Variants in PLAGL1 observed in about 807,000 individuals in gnomAD.
PLAGL1 encodes the protein PLAG1 like zinc finger 1.
Under a neutral mutation model 4.6 loss-of-function variants are expected in PLAGL1, and 1 was observed. That is an observed-to-expected ratio of 0.22 (90% CI 0.08 to 1.03). PLAGL1 has a LOEUF of 1.03. Among genes scored for constraint, PLAGL1 ranks in the 50% least tolerant of loss-of-function variants. PLAGL1 has a pLI of 0.58. For missense variants in PLAGL1, 464 were observed against 570.4 expected (o/e 0.81, Z 1.90); for synonymous variants, 240 against 237.8 (o/e 1.01, Z -0.08).
rs752655598 is a variant in PLAGL1 at position 143,941,814 on chromosome 6, C to T, written c.1002G>A (p.Leu334=). 1.2e-5 allele frequency: 20 copies of T among 1,614,214 alleles called. No homozygotes were observed. The South Asian group carries it at 2.0e-4, about 16-fold the overall frequency. The change falls in exon 8 of 8, where the codon TTG becomes TTA. Residue 334 remains leucine, a synonymous_variant. Coordinates refer to ENST00000674357, the MANE Select transcript of PLAGL1 (RefSeq NM_001317162.2). The surrounding 1 kb of genome is among the most constrained non-coding windows in gnomAD (Gnocchi z 6.0). ...GFCNISLFED[L]PLQEPQSPQK... is the part of the protein sequence containing the mutation. The stretch of plus-strand genomic sequence containing the variant: ...GAGGTGACTGAGGCTCTTGCAGAGG[C>T]AAGTCCTCAAACAAACTGATATTGC...
At chr6:144,047,051 A>C (rs1562608684) in intron 1 of PLAGL1, among the ~76,000 whole-genome samples, 1 of 152,200 alleles carries the variant, frequency 6.6e-6, no homozygotes, top group Non-Finnish European at 1.5e-5. Flanking sequence ...AGACCATTGG[A>C]AAAGCACAGT....
intron 1 of PLAGL1, among the ~76,000 whole-genome samples, chr6:144,019,705 A>G (rs1795831078): frequency 6.6e-6 from 1 of 151,910 alleles, no homozygotes; most frequent in Admixed American, 6.6e-5. Flanking sequence ...ATATTACTGA[A>G]TCTAAGTGGG....
chr6:144,057,927 G>A (rs955438603), intron 1 of PLAGL1, among the ~76,000 whole-genome samples: 1 of 152,058 alleles, frequency 6.6e-6, no homozygotes, highest in Admixed American at 6.5e-5. Flanking sequence ...ACCAAGATTA[G>A]GCTGAGCCAA....
chr6:143,987,555 C>T (rs1183889662), intron 1 of PLAGL1, among the ~76,000 whole-genome samples: 2 of 143,108 alleles, frequency 1.4e-5, no homozygotes, highest in African/African-American at 5.1e-5. Flanking sequence ...TAAAAACTCA[C>T]ATTTTCTTAA....
Position 144,036,027 on chromosome 6 carries a change from T to G in PLAGL1, c.-151+28441A>C, listed in dbSNP as rs1797212705. Reference sequence around the variant, plus strand: ...GTGCCTGGATGGCCATCTGATTACGTGTGGCTTAGCCTGGAAACCCTCAAT... The same window carrying G: ...GTGCCTGGATGGCCATCTGATTACGGGTGGCTTAGCCTGGAAACCCTCAAT... On this transcript the variant is annotated intron_variant, in intron 1 of 3. Coordinates refer to the PLAGL1 transcript ENST00000437412. This position sits in a 1 kb window ranked among gnomAD's most constrained non-coding sequence, Gnocchi z 5.1. Among the ~76,000 whole-genome samples, 1 of 152,078 alleles carries G rather than the reference T, an allele frequency of 6.6e-6. No individual in the cohort carries two copies. The highest frequency in any genetic ancestry group is 1.5e-5 in the Non-Finnish European group (1 of 68,008).
chr6:143,967,725 T>C (rs146723601), intron 3 of PLAGL1: 7 of 152,128 alleles, frequency 4.6e-5, no homozygotes, highest in African/African-American at 9.6e-5. Flanking sequence ...CTGAACGTGT[T>C]GGTGGGGGTA....
rs1293603585 is a variant in PLAGL1, at chr6:143,963,197, TG to T, written c.-399+1589del. Among the ~76,000 whole-genome samples, 4 of 152,308 alleles carry T rather than the reference TG, an allele frequency of 2.6e-5. No individual in the cohort carries two copies. Among genetic ancestry groups the T allele is most frequent in the African/African-American group, 9.6e-5 (4 of 41,578 alleles). On this transcript the variant is annotated intron_variant, in intron 5 of 7. Transcript: ENST00000674357. The surrounding 1 kb of genome is among the most constrained non-coding windows in gnomAD (Gnocchi z 6.1). ...TTCTCACATTAATACATGATCTCCC[TG>T]GGGGACCCCATGCACAACCCAAGGT...
At chr6:144,001,613 T>C (rs192490222) in intron 1 of PLAGL1, among the ~76,000 whole-genome samples, 1 of 152,280 alleles carries the variant, frequency 6.6e-6, no homozygotes, top group Admixed American at 6.5e-5. Flanking sequence ...CCTCCCTTCC[T>C]TTGACTGTGG....
intron 1 of PLAGL1, among the ~76,000 whole-genome samples, chr6:144,014,458 G>C (rs373355169): frequency 6.6e-6 from 1 of 151,904 alleles, no homozygotes; most frequent in Admixed American, 6.6e-5. Context: ...AAAGACAGTC[G>C]GGTACTGACA....
Position 143,960,441 on chromosome 6 carries a change from A to G in PLAGL1, c.-325+28T>C, listed in dbSNP as rs1262797535. 2 of 152,230 alleles carry G rather than the reference A, an allele frequency of 1.3e-5. No homozygotes were observed. Among genetic ancestry groups the G allele is most frequent in the African/African-American group, 2.4e-5 (1 of 41,450 alleles). The allele number at this position is 152,230 out of a possible 1,614,324, so 9.4% of individuals were successfully genotyped here. ...AAGCAATCGTTAATAAACATGCCCA[A>G]CTAGAAATAATCTTAAAACATGCGC... On this transcript the variant is annotated intron_variant, in intron 6 of 7. Coordinates refer to ENST00000674357, the MANE Select transcript of PLAGL1 (RefSeq NM_001317162.2). This position sits in a 1 kb window ranked among gnomAD's most constrained non-coding sequence, Gnocchi z 5.7.
intron 1 of PLAGL1, among the ~76,000 whole-genome samples, chr6:144,046,098 G>C (rs1177334092): frequency 2.0e-5 from 3 of 152,046 alleles, no homozygotes; most frequent in Admixed American, 6.5e-5. Flanking sequence ...CTTTTTTCAA[G>C]GTTTCTGGCT....
rs1793663391 is a variant in PLAGL1, at chr6:144,004,315, G to A, written c.-584+3775C>T. On this transcript the variant is annotated intron_variant, in intron 1 of 7. Transcript: ENST00000674357. The surrounding 1 kb of genome is among the most constrained non-coding windows in gnomAD (Gnocchi z 4.2). ...TCCTGCCTCAGCCTCTTGACTGGCT[G>A]GAATTATAGACAGGAGCCATGGAAC... 3.3e-5 allele frequency among the ~76,000 whole-genome samples: 5 copies of A among 152,082 alleles called. 1 individual carries two copies. The South Asian group carries it at 8.3e-4, about 25-fold the overall frequency.
In PLAGL1 at chr6:144,055,379, C is replaced by T. The variant is rs149450718; in HGVS notation, c.-151+9089G>A. On this transcript the variant is annotated intron_variant, in intron 1 of 3. Coordinates refer to the PLAGL1 transcript ENST00000437412. This position sits in a 1 kb window ranked among gnomAD's most constrained non-coding sequence, Gnocchi z 5.0. ...GACTTGCTGTGCTTGTTATACAAAACCACACTGGCATTCTTTAACATGATG... is the reference window on the plus strand; with the variant it reads ...GACTTGCTGTGCTTGTTATACAAAATCACACTGGCATTCTTTAACATGATG... Among the ~76,000 whole-genome samples, 831 of 152,292 alleles carry T rather than the reference C, an allele frequency of 5.5e-3. 3 individuals carry two copies. The highest frequency in any genetic ancestry group is 9.2e-3 in the Non-Finnish European group (627 of 68,016).
rs1791922195 is a variant in PLAGL1, at chr6:143,997,576, G to T, written c.-584+10514C>A. On this transcript the variant is annotated intron_variant, in intron 1 of 7. Transcript: ENST00000674357. The surrounding 1 kb of genome is among the most constrained non-coding windows in gnomAD (Gnocchi z 4.6). The stretch of plus-strand genomic sequence containing the variant: ...ATTCAAGAATAGACAAAACAGGGAG[G>T]CTCAGGTGGGAGGATCGCTTGAGCC... 6.6e-6 allele frequency among the ~76,000 whole-genome samples: 1 copy of T among 152,168 alleles called. No homozygotes were observed. The highest frequency in any genetic ancestry group is 1.5e-5 in the Non-Finnish European group (1 of 68,034).
rs7770000 is a variant in PLAGL1, at chr6:143,960,248, A to G, written c.-325+221T>C. Among the ~76,000 whole-genome samples the G allele has an allele frequency of 0.14, 20,903 of 152,222 alleles. 1,780 individuals carry two copies. Among genetic ancestry groups the G allele is most frequent in the Non-Finnish European group, 0.18 (12,349 of 68,006 alleles). On this transcript the variant is annotated intron_variant, in intron 6 of 7. Coordinates refer to ENST00000674357, the MANE Select transcript of PLAGL1 (RefSeq NM_001317162.2). The surrounding 1 kb of genome is among the most constrained non-coding windows in gnomAD (Gnocchi z 5.7). ...GTCATGAAAAGTTGCTAACTGCATC[A>G]TCCAATTCCCTGAAACACATGTGCA...
rs551191128 is a variant in PLAGL1, at chr6:143,953,689, A to G, written c.-324-5229T>C. Among the ~76,000 whole-genome samples, 3 of 152,338 alleles carry G rather than the reference A, an allele frequency of 2.0e-5. No homozygotes were observed. The highest frequency in any genetic ancestry group is 4.1e-4 in the South Asian group (2 of 4,830). On this transcript the variant is annotated intron_variant, in intron 6 of 7. Transcript: ENST00000674357. The surrounding 1 kb of genome is among the most constrained non-coding windows in gnomAD (Gnocchi z 5.3). Reference sequence around the variant, plus strand: ...AGCCTAATATAAAAGGGAGAAAACAACAAATTTTGGAAGCTGAAAAGCAGG... The same window carrying G: ...AGCCTAATATAAAAGGGAGAAAACAGCAAATTTTGGAAGCTGAAAAGCAGG...
Position 143,949,063 on chromosome 6 carries a change from C to G in PLAGL1, c.-324-603G>C, listed in dbSNP as rs1420801932. ...GTCTAGTTGCACTGATGTGGTGGCA[C>G]AAAGCTGATAGCTCAGGAACCAGCC... On this transcript the variant is annotated intron_variant, in intron 6 of 7. Transcript: ENST00000674357. The surrounding 1 kb of genome is among the most constrained non-coding windows in gnomAD (Gnocchi z 5.3). 6.6e-6 allele frequency among the ~76,000 whole-genome samples: 1 copy of G among 152,212 alleles called. No homozygotes were observed. Among genetic ancestry groups the G allele is most frequent in the Admixed American group, 6.5e-5 (1 of 15,286 alleles).
Position 144,036,830 on chromosome 6 carries a change from A to G in PLAGL1, c.-151+27638T>C. ...ACACTATTTGACTAAACAGGTTTGA[A>G]ATACTCTGGCATAAAATGAAGGCCA... On this transcript the variant is annotated intron_variant, in intron 1 of 3. Coordinates refer to the PLAGL1 transcript ENST00000437412. The surrounding 1 kb of genome is among the most constrained non-coding windows in gnomAD (Gnocchi z 5.1). 3.2e-6 allele frequency: 1 copy of G among 314,662 alleles called. No homozygotes were observed. Among genetic ancestry groups the G allele is most frequent in the Non-Finnish European group, 6.1e-6 (1 of 164,272 alleles). 19.5% of individuals were successfully genotyped at this position (314,662 alleles called of 1,614,324 possible).
rs1788801970 is a variant in PLAGL1 at position 143,985,481 on chromosome 6, A to G, written c.-583-307T>C. ...TTGAACAGTTCCATCACAAGGATCCATCATGTTGCCCTTTTACAATCACAC... is the reference window on the plus strand; with the variant it reads ...TTGAACAGTTCCATCACAAGGATCCGTCATGTTGCCCTTTTACAATCACAC... On this transcript the variant is annotated intron_variant, in intron 1 of 7. Transcript: ENST00000674357. This position sits in a 1 kb window ranked among gnomAD's most constrained non-coding sequence, Gnocchi z 4.4. 6.6e-6 allele frequency among the ~76,000 whole-genome samples: 1 copy of G among 152,188 alleles called. No homozygotes were observed. The highest frequency in any genetic ancestry group is 1.5e-5 in the Non-Finnish European group (1 of 68,020).
Sources: gnomAD v4.1 joint callset for allele counts (sites outside exome capture counted in the v4.1 genomes callset) on GRCh38, gnomAD v4.1.1 for gene constraint, Gnocchi (gnomAD v3.1) non-coding constraint, MANE v1.5 for transcripts, NCBI Gene and HGNC (gene_info 2026-07-23, HGNC 2026-07-21) for gene names.